The following ADAMTSL1 variants were observed in gnomAD, a reference collection of about 807,000 sequenced individuals.
ADAMTSL1 encodes ADAMTS-like protein 1.
In ADAMTSL1, 126 loss-of-function variants were observed where a neutral mutation model predicts 201.8. The observed-to-expected ratio is 0.62, with a 90% CI of 0.54 to 0.72. The LOEUF is 0.72. Ranked by LOEUF, ADAMTSL1 falls within the 30% of genes least tolerant of loss-of-function variation. The probability of loss-of-function intolerance (pLI) is 0.00; values close to 1 mark genes in which losing one functional copy is unlikely to be tolerated. For missense variants in ADAMTSL1, 2,679 were observed against 2,277.8 expected (o/e 1.18, Z -3.59); for synonymous variants, 1,121 against 903.4 (o/e 1.24, Z -4.32).
intron 2 of ADAMTSL1, among the ~76,000 whole-genome samples, chr9:18,395,494 G>A (rs1789519225): frequency 6.6e-6 from 1 of 152,138 alleles, no homozygotes; most frequent in Admixed American, 6.6e-5. Flanking sequence ...TTCTCCAAAG[G>A]AAAGCCTTGA....
chr9:18,210,199 T>G (rs1198121853), intron 2 of ADAMTSL1, among the ~76,000 whole-genome samples: 1 of 151,680 alleles, frequency 6.6e-6, no homozygotes, highest in Non-Finnish European at 1.5e-5. Flanking sequence ...TCCATTTTCT[T>G]TCTTTCCTTT....
chr9:18,594,708 A>G (rs1255178191), intron 4 of ADAMTSL1, among the ~76,000 whole-genome samples: 1 of 152,152 alleles, frequency 6.6e-6, no homozygotes, highest in Admixed American at 6.5e-5. Flanking sequence ...AAATTTTTGA[A>G]TGAACTCTCT....
rs150103638 is a variant in ADAMTSL1, at chr9:18,860,410, A to C, written c.4250-27421A>C. On this transcript the variant is annotated intron_variant, in intron 23 of 28. Transcript: ENST00000380548. Reference sequence around the variant, plus strand: ...CACAGCCCCACCCATTTGTTTATGTATTGTCTATGGCTGATCTCAAGTTAC... The same window carrying C: ...CACAGCCCCACCCATTTGTTTATGTCTTGTCTATGGCTGATCTCAAGTTAC... Among the ~76,000 whole-genome samples, 250 of 152,098 alleles carry C rather than the reference A, an allele frequency of 1.6e-3. 5 individuals are homozygous for C. Among genetic ancestry groups the C allele is most frequent in the African/African-American group, 5.7e-3 (237 of 41,492 alleles).
In ADAMTSL1 at chr9:17,972,409, C is replaced by A. The variant is rs1201910322; in HGVS notation, c.87+65487C>A. Among the ~76,000 whole-genome samples the A allele has an allele frequency of 3.4e-5, 5 of 147,726 alleles. No individual in the cohort carries two copies. The East Asian group carries it at 8.1e-4, about 24-fold the overall frequency. ...ATTTCCACCTATGAGTGAGAACATA[C>A]GGTGTTTCGTTTTTTGTCCTTGCGA... On this transcript the variant is annotated intron_variant, in intron 1 of 29. Transcript: ENST00000680146.
intron 2 of ADAMTSL1, among the ~76,000 whole-genome samples, chr9:18,183,784 G>T (rs908112482): frequency 1.3e-5 from 2 of 152,152 alleles, no homozygotes; most frequent in South Asian, 2.1e-4. Context: ...TTTATTTACA[G>T]GTTGGATGAC....
rs57278851 is a variant in ADAMTSL1 at position 18,829,703 on chromosome 9, T to C, written c.4115-140T>C. On this transcript the variant is annotated intron_variant, in intron 22 of 28. Coordinates refer to ENST00000380548, the MANE Select transcript of ADAMTSL1 (RefSeq NM_001040272.6). Reference sequence around the variant, plus strand: ...GACAGGGACTCCTCTATAGGAAAAATAATGTTAAAAGGCAACAATAGTAAT... The same window carrying C: ...GACAGGGACTCCTCTATAGGAAAAACAATGTTAAAAGGCAACAATAGTAAT... The C allele has an allele frequency of 7.5e-4, 901 of 1,193,902 alleles. 6 individuals carry two copies. In the African/African-American group the frequency reaches 0.012, roughly 16 times the overall value. 74.0% of individuals were successfully genotyped at this position (1,193,902 alleles called of 1,614,324 possible).
At chr9:18,620,783 T>C (rs1825989507) in intron 4 of ADAMTSL1, among the ~76,000 whole-genome samples, 1 of 152,168 alleles carries the variant, frequency 6.6e-6, no homozygotes, top group South Asian at 2.1e-4. Context: ...AGCACCATGT[T>C]TTCCTGACAT....
chr9:18,340,414 A>G (rs1835421692), intron 2 of ADAMTSL1, among the ~76,000 whole-genome samples: 1 of 152,154 alleles, frequency 6.6e-6, no homozygotes, highest in Non-Finnish European at 1.5e-5. Flanking sequence ...AACTCTTAAT[A>G]TCTCCCAGTT....
rs891349385 is a variant in ADAMTSL1 at position 18,892,735 on chromosome 9, T to C, written c.4851+139T>C. 13 of 1,017,048 alleles carry C rather than the reference T, an allele frequency of 1.3e-5. No individual in the cohort carries two copies. In the African/African-American group the frequency reaches 2.1e-4, roughly 16 times the overall value. 63.0% of individuals were successfully genotyped at this position (1,017,048 alleles called of 1,614,324 possible). On this transcript the variant is annotated intron_variant, in intron 26 of 28. Coordinates refer to ENST00000380548, the MANE Select transcript of ADAMTSL1 (RefSeq NM_001040272.6). ...ATTGGCCAGGCATAGCTTTTGTGGG[T>C]TGTCCAGCTGAGACACCCCCAGAGC...
At chr9:18,745,928 G>A (rs1407751164) in intron 15 of ADAMTSL1, among the ~76,000 whole-genome samples, 2 of 152,174 alleles carry the variant, frequency 1.3e-5, no homozygotes, top group Admixed American at 1.3e-4. Context: ...TCCCAGGCCA[G>A]AGGACCACTC....
chr9:18,892,664 G>A (rs924966415), intron 26 of ADAMTSL1, 68 bp downstream of exon 26: 1 of 1,498,956 alleles, frequency 6.7e-7, no homozygotes, highest in Non-Finnish European at 9.0e-7. Context: ...ACAGTAGGAA[G>A]TGAAATGCTA....
At chr9:18,367,762 G>A (rs118123046) in intron 2 of ADAMTSL1, among the ~76,000 whole-genome samples, 1,633 of 152,154 alleles carry the variant, frequency 0.011, 12 homozygotes, top group Non-Finnish European at 0.016. Context: ...CACATTTATC[G>A]GCACAGAGTT....
intron 7 of ADAMTSL1, among the ~76,000 whole-genome samples, chr9:18,644,574 TC>T (rs573775103): frequency 0.013 from 1,999 of 151,626 alleles, 48 homozygotes; most frequent in African/African-American, 0.045. Context: ...AGTGTGATGT[TC>T]CCCTTCCTGT....
intron 1 of ADAMTSL1, among the ~76,000 whole-genome samples, chr9:18,104,062 TCTTTA>T (rs1272589548): frequency 6.6e-6 from 1 of 152,222 alleles, no homozygotes; most frequent in African/African-American, 2.4e-5. Context: ...AATAGTAACA[TCTTTA>T]CAGAACTCAT....
intron 14 of ADAMTSL1, among the ~76,000 whole-genome samples, chr9:18,710,694 A>G (rs1259258783): frequency 1.6e-5 from 2 of 124,184 alleles, no homozygotes; most frequent in Non-Finnish European, 3.5e-5. Context: ...TTTTTTTACA[A>G]AATTGAACTA....
rs371327543 is a variant in ADAMTSL1, at chr9:18,541,449, G to A, written c.237+8157G>A. ...CGCGTGAAACCAGGAGGTGGAGGTC[G>A]CAGTGAGCTGAGATCGTGTCATTGC... is the stretch of plus-strand genomic sequence containing the variant. On this transcript the variant is annotated intron_variant, in intron 3 of 28. Coordinates refer to ENST00000380548, the MANE Select transcript of ADAMTSL1 (RefSeq NM_001040272.6). 5.3e-5 allele frequency among the ~76,000 whole-genome samples: 8 copies of A among 151,844 alleles called. 1 individual carries two copies. The highest frequency in any genetic ancestry group is 2.1e-4 in the South Asian group (1 of 4,804).
chr9:18,395,765 C>T (rs1242764398), intron 2 of ADAMTSL1, among the ~76,000 whole-genome samples: 1 of 152,122 alleles, frequency 6.6e-6, no homozygotes, highest in Non-Finnish European at 1.5e-5. Context: ...TTGATTCAGC[C>T]TGGTTTAAGT....
intron 1 of ADAMTSL1, among the ~76,000 whole-genome samples, chr9:18,018,154 C>T (rs1201146288): frequency 1.3e-5 from 2 of 152,088 alleles, no homozygotes; most frequent in Non-Finnish European, 2.9e-5. Context: ...AAAGTATTTA[C>T]TAACTAGCTA....
At chr9:18,814,205 T>A (rs919103439) in intron 20 of ADAMTSL1, among the ~76,000 whole-genome samples, 6 of 152,254 alleles carry the variant, frequency 3.9e-5, no homozygotes, top group African/African-American at 1.2e-4. Context: ...GATCTGCGTA[T>A]GTTGAACCAT....
Sources: allele counts gnomAD v4.1 joint callset (sites outside exome capture counted in the v4.1 genomes callset), GRCh38; gene constraint gnomAD v4.1.1; transcripts MANE v1.5; gene names NCBI Gene and HGNC (gene_info 2026-07-23, HGNC 2026-07-21).